The following AFDN variants were observed in gnomAD, a reference collection of about 807,000 sequenced individuals.
AFDN encodes afadin, adherens junction formation factor.
AFDN carries 68 observed loss-of-function variants against 216.6 expected under a neutral mutation model. That is an observed-to-expected ratio of 0.31 (90% confidence interval 0.26 to 0.38). The LOEUF (loss-of-function observed/expected upper bound fraction) is 0.38, where lower values mean the gene tolerates loss of function less well. Among genes scored for constraint, AFDN ranks in the 10% least tolerant of loss-of-function variants. The pLI, the probability that AFDN is intolerant of heterozygous loss-of-function variation, is 1.00. For missense variants in AFDN, 2,136 were observed against 2,342.0 expected (o/e 0.91, Z 1.82); for synonymous variants, 868 against 853.7 (o/e 1.02, Z -0.29).
intron 25 of AFDN, 97 bp from the exon 26 acceptor site, chr6:167,943,844 G>A: frequency 9.8e-7 from 1 of 1,018,698 alleles, no homozygotes; most frequent in South Asian, 1.4e-5. Context: ...AGATGAAGCT[G>A]TGTAACATGA....
At chr6:167,908,496 G>T (rs73258732) in intron 13 of AFDN, among the ~76,000 whole-genome samples, 3,936 of 152,230 alleles carry the variant, frequency 0.026, 146 homozygotes, top group African/African-American at 0.09. Flanking sequence ...GTTCAGAATG[G>T]TAAATTGGTA....
intron 2 of AFDN, among the ~76,000 whole-genome samples, chr6:167,865,780 A>G (rs1039087059): frequency 6.6e-6 from 1 of 151,560 alleles, no homozygotes; most frequent in Non-Finnish European, 1.5e-5. Context: ...AGTTCCATCC[A>G]CAGATCTTTT....
At chr6:167,875,809 G>C (rs1326659711) in intron 5 of AFDN, among the ~76,000 whole-genome samples, 1 of 151,884 alleles carries the variant, frequency 6.6e-6, no homozygotes, top group East Asian at 1.9e-4. Flanking sequence ...GGTTTCTTCT[G>C]TTCTCCAAAA....
intron 1 of AFDN, among the ~76,000 whole-genome samples, chr6:167,849,565 ATCCCTGTCT>A (rs1782071600): frequency 6.6e-6 from 1 of 152,206 alleles, no homozygotes; most frequent in South Asian, 2.1e-4. Flanking sequence ...CATATTCTGT[ATCCCTGTCT>A]TTGAGTTCAT....
chr6:167,921,075 C>T (rs1442123684), intron 21 of AFDN, among the ~76,000 whole-genome samples: 1 of 152,252 alleles, frequency 6.6e-6, no homozygotes, highest in Non-Finnish European at 1.5e-5. Flanking sequence ...CATGGGCCTG[C>T]TGTATGTTCA....
intron 30 of AFDN, among the ~76,000 whole-genome samples, chr6:167,954,152 T>C (rs1796275960): frequency 6.6e-6 from 1 of 152,244 alleles, no homozygotes; most frequent in African/African-American, 2.4e-5. Context: ...AAATATTTGC[T>C]TTTTGCTTAG....
chr6:167,936,505 G>A (rs1794016598), intron 23 of AFDN, among the ~76,000 whole-genome samples: 1 of 151,990 alleles, frequency 6.6e-6, no homozygotes, highest in Admixed American at 6.6e-5. Context: ...GTCCATTATT[G>A]TTTAGAAATA....
chr6:167,834,479 TC>T (rs199817005), intron 1 of AFDN, among the ~76,000 whole-genome samples: 18 of 145,338 alleles, frequency 1.2e-4, no homozygotes, highest in East Asian at 8.0e-4. Flanking sequence ...TTTTTTTTTT[TC>T]GAAAGGTATA....
At chr6:167,882,922 CTA>C (rs1471043923) in intron 6 of AFDN, among the ~76,000 whole-genome samples, 4 of 152,036 alleles carry the variant, frequency 2.6e-5, no homozygotes, top group Admixed American at 1.3e-4. Context: ...TCAACAGTAA[CTA>C]TGGTATCTGG....
At chr6:167,830,228 T>C (rs1313366630) in intron 1 of AFDN, among the ~76,000 whole-genome samples, 2 of 152,220 alleles carry the variant, frequency 1.3e-5, no homozygotes, top group Non-Finnish European at 2.9e-5. Context: ...TCCTGTCACC[T>C]CCTTAGAAGA....
intron 11 of AFDN, 103 bp from the exon 12 acceptor site, chr6:167,902,214 C>T: frequency 1.3e-6 from 1 of 794,770 alleles, no homozygotes; most frequent in Non-Finnish European, 2.0e-6. Context: ...TCTTAAAAAT[C>T]TTTGACATTT....
chr6:167,970,005 T>TGAAGAGGA lies in AFDN; in HGVS notation c.*71_*78dup. 7.7e-7 allele frequency: 1 copy of TGAAGAGGA among 1,304,570 alleles called. No homozygotes were observed. The highest frequency in any genetic ancestry group is 1.0e-6 in the Non-Finnish European group (1 of 954,374). 80.8% of individuals were successfully genotyped at this position (1,304,570 alleles called of 1,614,324 possible). A position where few individuals can be genotyped will look rare whatever the true frequency, so the allele number is the denominator to read the frequency against. On this transcript the variant is annotated 3_prime_UTR_variant, in exon 34 of 34. Transcript: ENST00000683244. ...AGTTGTGGGTTTGTAGGTGCGAGTT[T>TGAAGAGGA]GAAGAGGAAAAGAGGAAGGGGGTTA... is the stretch of plus-strand genomic sequence containing the variant.
intron 1 of AFDN, among the ~76,000 whole-genome samples, chr6:167,831,448 C>A (rs79143584): frequency 6.6e-6 from 1 of 151,968 alleles, no homozygotes; most frequent in Non-Finnish European, 1.5e-5. Context: ...ATGTTTGATT[C>A]GGTGTGTTCT....
At chr6:167,948,616 G>A in intron 29 of AFDN, 138 bp downstream of exon 29, 1 of 759,936 alleles carries the variant, frequency 1.3e-6, no homozygotes, top group Non-Finnish European at 2.0e-6. Context: ...GGTTAAGTTT[G>A]AGGAAAAAAG....
chr6:167,914,529 T>G, intron 17 of AFDN, 115 bp from the exon 18 acceptor site: 1 of 792,584 alleles, frequency 1.3e-6, no homozygotes, highest in South Asian at 2.0e-5. Context: ...GATTCCACAT[T>G]TTTTTTTTAA....
chr6:167,894,038 T>A (rs1787934142), intron 9 of AFDN, 132 bp downstream of exon 9: 3 of 675,094 alleles, frequency 4.4e-6, no homozygotes, highest in Middle Eastern at 4.2e-4. Flanking sequence ...TTAAGAAATT[T>A]AATGTACTGT....
intron 1 of AFDN, among the ~76,000 whole-genome samples, chr6:167,846,933 T>G (rs911425279): frequency 2.6e-5 from 4 of 151,928 alleles, no homozygotes; most frequent in African/African-American, 4.8e-5. Flanking sequence ...GCCAGTTTAG[T>G]TATTTGATTG....
Position 167,897,641 on chromosome 6 carries a change from C to CA in AFDN, c.1318-564_1318-563insA, listed in dbSNP as rs1562631167. 2.4e-3 allele frequency among the ~76,000 whole-genome samples: 218 copies of CA among 90,634 alleles called. 2 individuals carry two copies. The highest frequency in any genetic ancestry group is 0.011 in the African/African-American group (209 of 18,466). 59.5% of individuals were successfully genotyped at this position (90,634 alleles called of 152,430 possible). A position where few individuals can be genotyped will look rare whatever the true frequency, so the allele number is the denominator to read the frequency against. On this transcript the variant is annotated intron_variant, in intron 10 of 33. Coordinates refer to ENST00000683244, the MANE Select transcript of AFDN (RefSeq NM_001386888.1). ...AAATATTGGTTAAGATGACTGTATGCCTTTTTTTTTTTTTTTTTTTTTTTT... is the reference window on the plus strand; with the variant it reads ...AAATATTGGTTAAGATGACTGTATGCACTTTTTTTTTTTTTTTTTTTTTTTT...
At chr6:167,894,391 TG>T (rs1196733734) in intron 9 of AFDN, among the ~76,000 whole-genome samples, 1 of 152,188 alleles carries the variant, frequency 6.6e-6, no homozygotes, top group Non-Finnish European at 1.5e-5. Context: ...TCAGGCACTT[TG>T]GGCAGAAATT....
Sources: allele counts gnomAD v4.1 joint callset (sites outside exome capture counted in the v4.1 genomes callset), GRCh38; gene constraint gnomAD v4.1.1; transcripts MANE v1.5; gene names NCBI Gene and HGNC (gene_info 2026-07-23, HGNC 2026-07-21).